Variants in DTNA observed in about 807,000 individuals in gnomAD.
DTNA encodes dystrobrevin alpha, also known as dystrophin-related protein 3.
DTNA carries 43 observed loss-of-function variants against 100.7 expected under a neutral mutation model. That is an observed-to-expected ratio of 0.43 (90% CI 0.33 to 0.55). The LOEUF (loss-of-function observed/expected upper bound fraction) is 0.55, where lower values mean the gene tolerates loss of function less well. Among genes scored for constraint, DTNA ranks in the 20% least tolerant of loss-of-function variants. The pLI, the probability that DTNA is intolerant of heterozygous loss-of-function variation, is 0.04. For missense variants in DTNA, 798 were observed against 953.9 expected (o/e 0.84, Z 2.15); for synonymous variants, 349 against 347.9 (o/e 1.00, Z -0.04).
At chr18:34,529,235 C>G (rs754392221) in intron 1 of DTNA, among the ~76,000 whole-genome samples, 2 of 152,070 alleles carry the variant, frequency 1.3e-5, no homozygotes, top group Non-Finnish European at 2.9e-5. Context: ...CTGACATATG[C>G]TCTGCCTTTT....
intron 1 of DTNA, chr18:34,593,372 A>C: frequency 6.6e-6 from 1 of 152,248 alleles, no homozygotes; most frequent in Admixed American, 6.5e-5. Context: ...GCTGGATTTC[A>C]TACTCATAGC....
chr18:34,766,349 T>C (rs1442453954), intron 3 of DTNA, among the ~76,000 whole-genome samples: 2 of 152,210 alleles, frequency 1.3e-5, no homozygotes, highest in African/African-American at 2.4e-5. Flanking sequence ...ATGTTTTTCT[T>C]CTTTTCTCTA....
At chr18:34,706,434 T>A (rs796388963), upstream of DTNA, among the ~76,000 whole-genome samples, 9 of 152,274 alleles carry the variant, frequency 5.9e-5, no homozygotes, top group African/African-American at 2.2e-4. Context: ...TTATTAAGTT[T>A]AAAAACCAAC....
intron 1 of DTNA, among the ~76,000 whole-genome samples, chr18:34,608,635 A>G (rs577530029): frequency 1.9e-4 from 29 of 152,154 alleles, no homozygotes; most frequent in African/African-American, 6.7e-4. Flanking sequence ...CAGATTCAGA[A>G]TTCTTTCTTT....
chr18:34,879,605 T>G lies in DTNA; in HGVS notation c.2048T>G (p.Phe683Cys). ...GATTCTGAATTTGCACGGACTCAGT[T>G]TGAGGATCTTGTTCCCTCACCAACC... is the stretch of plus-strand genomic sequence containing the variant. The part of the protein sequence containing the change: ...NVDSEFARTQ[F>C]EDLVPSPTSE... The change falls in exon 20 of 23, where the codon TTT (phenylalanine) becomes TGT (cysteine). Residue 683 changes from phenylalanine (F) to cysteine (C), a missense_variant. Around this residue, in one of 6 missense-constraint regions of DTNA, gnomAD observed 242 missense variants for 238.2 expected, o/e 1.02. Transcript: ENST00000444659. The G allele has an allele frequency of 6.2e-7, 1 of 1,614,072 alleles. No homozygotes were observed. The highest frequency in any genetic ancestry group is 8.5e-7 in the Non-Finnish European group (1 of 1,180,000).
Position 34,755,235 on chromosome 18 carries a change from T to C in DTNA, c.-1-741T>C, listed in dbSNP as rs77597018. On this transcript the variant is annotated intron_variant, in intron 1 of 22. Transcript: ENST00000444659. ...TAAACATATCCATTAACTTTCTCAT[T>C]ATTTTCTTTTTCCTCAAGCTGAAGT... Among the ~76,000 whole-genome samples, 508 of 152,336 alleles carry C rather than the reference T, an allele frequency of 3.3e-3. 2 individuals are homozygous for C. Among genetic ancestry groups the C allele is most frequent in the Non-Finnish European group, 5.7e-3 (388 of 68,036 alleles).
chr18:34,566,774 A>G (rs1192488486), intron 1 of DTNA, among the ~76,000 whole-genome samples: 2 of 152,244 alleles, frequency 1.3e-5, no homozygotes, highest in African/African-American at 4.8e-5. Flanking sequence ...AACATCAGTC[A>G]GGCCTACATA....
At chr18:34,843,009 G>A (rs1428943373) in intron 13 of DTNA, among the ~76,000 whole-genome samples, 3 of 152,096 alleles carry the variant, frequency 2.0e-5, no homozygotes, top group Admixed American at 2.0e-4. Flanking sequence ...ACAGTGCCAG[G>A]CACATAGTAG....
At chr18:34,501,401 T>G (rs1176950137) in intron 1 of DTNA, among the ~76,000 whole-genome samples, 1 of 152,234 alleles carries the variant, frequency 6.6e-6, no homozygotes, top group Non-Finnish European at 1.5e-5. Context: ...TCTATATTCA[T>G]GAGGAATATT....
intron 1 of DTNA, among the ~76,000 whole-genome samples, chr18:34,512,474 T>C (rs1420685405): frequency 6.6e-6 from 1 of 152,016 alleles, no homozygotes; most frequent in African/African-American, 2.4e-5. Context: ...GGCCCTCTCA[T>C]CTATGAAATA....
intron 1 of DTNA, among the ~76,000 whole-genome samples, chr18:34,599,369 G>A (rs2051301438): frequency 6.6e-6 from 1 of 152,080 alleles, no homozygotes; most frequent in Admixed American, 6.5e-5. Flanking sequence ...AATAATGGCT[G>A]ATTTCTAATC....
At chr18:34,754,676 A>G (rs569949633) in intron 1 of DTNA, among the ~76,000 whole-genome samples, 4 of 152,328 alleles carry the variant, frequency 2.6e-5, no homozygotes, top group Admixed American at 6.5e-5. Context: ...ATGGGGTACA[A>G]TGTAATGTGT....
intron 1 of DTNA, among the ~76,000 whole-genome samples, chr18:34,745,368 G>A (rs1340405197): frequency 1.3e-5 from 2 of 152,078 alleles, no homozygotes; most frequent in East Asian, 3.9e-4. Flanking sequence ...ATTAGCCCAT[G>A]GCCATTAGCA....
At chr18:34,755,937 C>T (rs377021270) in intron 1 of DTNA, 39 bp from the exon 2 acceptor site, 8 of 1,566,938 alleles carry the variant, frequency 5.1e-6, no homozygotes, top group South Asian at 2.2e-5. Context: ...GCCTCAATAG[C>T]GTGAGGATAA....
intron 17 of DTNA, among the ~76,000 whole-genome samples, chr18:34,870,332 C>A (rs2150255275): frequency 6.6e-6 from 1 of 152,256 alleles, no homozygotes; most frequent in African/African-American, 2.4e-5. Flanking sequence ...CCAAACACTT[C>A]ATGGAATACT....
chr18:34,525,482 T>C (rs1320971817), intron 1 of DTNA, among the ~76,000 whole-genome samples: 1 of 152,178 alleles, frequency 6.6e-6, no homozygotes, highest in Non-Finnish European at 1.5e-5. Context: ...GTACTTGTCT[T>C]ATACTATTGT....
chr18:34,828,428 A>G (rs1444691847), intron 10 of DTNA, among the ~76,000 whole-genome samples: 1 of 152,220 alleles, frequency 6.6e-6, no homozygotes, highest in Non-Finnish European at 1.5e-5. Flanking sequence ...GGAGTGAGTA[A>G]TTGAACATAA....
intron 22 of DTNA, among the ~76,000 whole-genome samples, chr18:34,886,466 A>G (rs765152068): frequency 6.6e-6 from 1 of 152,210 alleles, no homozygotes; most frequent in Non-Finnish European, 1.5e-5. Flanking sequence ...CTTTAATAGC[A>G]CTTTCTTTCT....
At chr18:34,529,539 G>A (rs557248966) in intron 1 of DTNA, among the ~76,000 whole-genome samples, 1 of 152,222 alleles carries the variant, frequency 6.6e-6, no homozygotes, top group South Asian at 2.1e-4. Context: ...ACAATTCACA[G>A]TGTCCATAAG....
Sources: gnomAD v4.1 joint callset for allele counts (sites outside exome capture counted in the v4.1 genomes callset) on GRCh38, gnomAD v4.1.1 for gene constraint, gnomAD v4.1.1 regional missense constraint, MANE v1.5 for transcripts, NCBI Gene and HGNC (gene_info 2026-07-23, HGNC 2026-07-21) for gene names.